Variants in ADGRL2 observed in about 807,000 individuals in gnomAD.
ADGRL2 encodes calcium-independent alpha-latrotoxin receptor 2.
ADGRL2 carries 44 observed loss-of-function variants against 157.4 expected under a neutral mutation model. The observed-to-expected ratio is 0.28, with a 90% CI of 0.22 to 0.36. The LOEUF is 0.36. Ranked by LOEUF, ADGRL2 falls within the 10% of genes least tolerant of loss-of-function variation. ADGRL2 has a pLI of 1.00. For synonymous variants in ADGRL2, 585 were observed against 624.7 expected, an observed-to-expected ratio of 0.94 and a Z score of 0.95; for missense variants, 1,510 against 1,768.9, an observed-to-expected ratio of 0.85 and a Z score of 2.63.
chr1:81,397,043 A>G (rs1020433250), intron 1 of ADGRL2, among the ~76,000 whole-genome samples: 3 of 152,184 alleles, frequency 2.0e-5, no homozygotes, highest in Non-Finnish European at 4.4e-5. Context: ...AGGTTTAAGA[A>G]CAATTGGTAT....
intron 2 of ADGRL2, among the ~76,000 whole-genome samples, chr1:81,894,204 AAGG>A (rs1459025383): frequency 1.3e-5 from 2 of 152,176 alleles, no homozygotes; most frequent in Non-Finnish European, 2.9e-5. Flanking sequence ...CAAATGTGTT[AAGG>A]ACACAGATAC....
intron 1 of ADGRL2, among the ~76,000 whole-genome samples, chr1:81,418,746 T>C (rs2077076406): frequency 6.6e-6 from 1 of 152,096 alleles, no homozygotes; most frequent in Non-Finnish European, 1.5e-5. Flanking sequence ...AGAGTGAGAC[T>C]CCATCTCAAA....
intron 2 of ADGRL2, among the ~76,000 whole-genome samples, chr1:81,880,136 C>A (rs2093949462): frequency 6.6e-6 from 1 of 152,200 alleles, no homozygotes; most frequent in Admixed American, 6.5e-5. Flanking sequence ...CTCACTGTGT[C>A]TAAAGCGATG....
chr1:81,393,545 T>C (rs1202525862), intron 1 of ADGRL2, among the ~76,000 whole-genome samples: 1 of 152,176 alleles, frequency 6.6e-6, no homozygotes, highest in Non-Finnish European at 1.5e-5. Flanking sequence ...TCTACAAACT[T>C]CCTCTCCCTT....
At chr1:81,454,509 C>T (rs1377541836) in intron 2 of ADGRL2, among the ~76,000 whole-genome samples, 3 of 152,110 alleles carry the variant, frequency 2.0e-5, no homozygotes, top group Non-Finnish European at 4.4e-5. Context: ...AAATTCAAGG[C>T]TTACAGAAAT....
chr1:81,915,443 C>G (rs979033243), intron 3 of ADGRL2, among the ~76,000 whole-genome samples: 1 of 151,998 alleles, frequency 6.6e-6, no homozygotes, highest in African/African-American at 2.4e-5. Flanking sequence ...ACTGAGAATA[C>G]AGGTGTGAAT....
At chr1:81,814,219 A>G (rs1030437769) in intron 1 of ADGRL2, among the ~76,000 whole-genome samples, 1 of 151,700 alleles carries the variant, frequency 6.6e-6, no homozygotes, top group Non-Finnish European at 1.5e-5. Context: ...ATACGAATTT[A>G]TGATAAAACA....
chr1:81,437,700 T>A (rs1236016172), intron 1 of ADGRL2, among the ~76,000 whole-genome samples: 7 of 152,202 alleles, frequency 4.6e-5, no homozygotes, highest in Non-Finnish European at 7.3e-5. Flanking sequence ...GAGGCCACAG[T>A]AAAACTCAAG....
At chr1:81,324,627 G>A (rs1272428790) in intron 1 of ADGRL2, among the ~76,000 whole-genome samples, 1 of 151,554 alleles carries the variant, frequency 6.6e-6, no homozygotes, top group African/African-American at 2.4e-5. Context: ...AGTATCAAGA[G>A]AATTTGATGA....
chr1:81,657,377 G>A (rs1023757997), intron 3 of ADGRL2, among the ~76,000 whole-genome samples: 1 of 152,168 alleles, frequency 6.6e-6, no homozygotes, highest in African/African-American at 2.4e-5. Context: ...AAATCTGATG[G>A]CAATTTGATC....
chr1:81,491,838 A>C (rs1329924258), intron 2 of ADGRL2, among the ~76,000 whole-genome samples: 1 of 152,174 alleles, frequency 6.6e-6, no homozygotes, highest in Non-Finnish European at 1.5e-5. Flanking sequence ...TGTGCTCGCG[A>C]AATGTTGCAT....
At chr1:81,931,135 C>T (rs1412886267) in intron 3 of ADGRL2, among the ~76,000 whole-genome samples, 4 of 151,974 alleles carry the variant, frequency 2.6e-5, no homozygotes, top group African/African-American at 4.8e-5. Context: ...GGCAACAGAG[C>T]GAGGCTTTGT....
chr1:81,927,602 T>C (rs1359986119), intron 3 of ADGRL2, among the ~76,000 whole-genome samples: 1 of 151,964 alleles, frequency 6.6e-6, no homozygotes, highest in Non-Finnish European at 1.5e-5. Context: ...TCAAAATAAA[T>C]AACACAGTGT....
At chr1:81,681,515 G>A (rs10493701) in intron 3 of ADGRL2, among the ~76,000 whole-genome samples, 22,181 of 152,254 alleles carry the variant, frequency 0.15, 1,917 homozygotes, top group Admixed American at 0.27. Flanking sequence ...TTACTTATCA[G>A]TTGGTTATTG....
At chr1:81,809,231 C>G (rs937095172) in intron 1 of ADGRL2, among the ~76,000 whole-genome samples, 2 of 151,796 alleles carry the variant, frequency 1.3e-5, no homozygotes, top group Non-Finnish European at 2.9e-5. Context: ...TTAAAAGAAG[C>G]CTATTTAAGG....
chr1:81,466,679 G>GTA (rs1557710488), intron 2 of ADGRL2, among the ~76,000 whole-genome samples: 1 of 151,168 alleles, frequency 6.6e-6, no homozygotes, highest in African/African-American at 2.4e-5. Context: ...TCACGCGCGC[G>GTA]CACACACACA....
chr1:81,808,283 G>A (rs1159959440), intron 1 of ADGRL2, among the ~76,000 whole-genome samples: 9 of 151,900 alleles, frequency 5.9e-5, no homozygotes, highest in Non-Finnish European at 1.2e-4. Flanking sequence ...ATCAATTTAG[G>A]TTGAAAAACA....
At chr1:81,555,780 C>T (rs890434631) in intron 2 of ADGRL2, among the ~76,000 whole-genome samples, 3 of 152,068 alleles carry the variant, frequency 2.0e-5, no homozygotes, top group African/African-American at 4.8e-5. Context: ...CCTTCCTTAA[C>T]GGAAAATGTT....
At chr1:81,502,321 G>A in intron 2 of ADGRL2, 1 of 1,614,084 alleles carries the variant, frequency 6.2e-7, no homozygotes, top group Non-Finnish European at 8.5e-7. Flanking sequence ...ATCTGGATGA[G>A]CAGCTCAAGC....
Sources: gnomAD v4.1 joint callset for allele counts (sites outside exome capture counted in the v4.1 genomes callset) on GRCh38, gnomAD v4.1.1 for gene constraint, MANE v1.5 for transcripts, NCBI Gene and HGNC (gene_info 2026-07-23, HGNC 2026-07-21) for gene names.